CNTN2: variants seen among roughly 807,000 people sequenced by gnomAD.
CNTN2 encodes contactin-2.
A neutral mutation model predicts 117.5 loss-of-function variants in CNTN2; 53 were observed. The observed-to-expected ratio is 0.45, with a 90% CI of 0.36 to 0.57. CNTN2 has a LOEUF of 0.57. Among genes scored for constraint, CNTN2 ranks in the 20% least tolerant of loss-of-function variants. The pLI, the probability that CNTN2 is intolerant of heterozygous loss-of-function variation, is 0.00. For missense variants in CNTN2, 1,106 were observed against 1,404.3 expected, an observed-to-expected ratio of 0.79 and a Z score of 3.39; for synonymous variants, 530 against 561.7, an observed-to-expected ratio of 0.94 and a Z score of 0.80.
rs531205336 is a variant in CNTN2 at position 205,074,187 on chromosome 1, T to C, written c.*422T>C. 3.1e-4 allele frequency: 141 copies of C among 448,516 alleles called. No individual in the cohort carries two copies. The highest frequency in any genetic ancestry group is 3.9e-4 in the Non-Finnish European group (100 of 254,518). The allele number at this position is 448,516 out of a possible 1,614,324, so 27.8% of individuals were successfully genotyped here. A position where few individuals can be genotyped will look rare whatever the true frequency, so the allele number is the denominator to read the frequency against. ...ACCAGACATGAACAGGTTGAAGAAC[T>C]GGAGCGAAGTGCACACCTCACCATC... On this transcript the variant is annotated 3_prime_UTR_variant, in exon 23 of 23. Transcript: ENST00000331830.
chr1:205,072,652 A>G, intron 21 of CNTN2, 57 bp downstream of exon 21: 1 of 1,318,218 alleles, frequency 7.6e-7, no homozygotes, highest in Non-Finnish European at 1.1e-6. Flanking sequence ...CTGTGTTTCC[A>G]GTGAACATAA....
intron 1 of CNTN2, among the ~76,000 whole-genome samples, chr1:205,052,277 T>C (rs902760301): frequency 6.6e-6 from 1 of 151,770 alleles, no homozygotes; most frequent in African/African-American, 2.4e-5. Context: ...GGACTGGGAG[T>C]GAACGGGGAG....
chr1:205,069,806 T>G (rs1654491396), intron 17 of CNTN2, 21 bp from the exon 18 acceptor site: 1 of 1,607,082 alleles, frequency 6.2e-7, no homozygotes, highest in Non-Finnish European at 8.5e-7. Context: ...CCCTCGCCCA[T>G]GCCATGCTCT....
Position 205,065,955 on chromosome 1 carries a change from C to A in CNTN2, c.1816+46C>A. The stretch of plus-strand genomic sequence containing the variant: ...ACCCCTACCCCAACTCCCTTAAAAC[C>A]CAGCTGGGCTGTTCTGACCTGCTCG... On this transcript the variant is annotated intron_variant, in intron 14 of 22. Transcript: ENST00000331830. The surrounding 1 kb of genome is among the most constrained non-coding windows in gnomAD (Gnocchi z 4.1). 2 of 1,567,730 alleles carry A rather than the reference C, an allele frequency of 1.3e-6. No homozygotes were observed. The highest frequency in any genetic ancestry group is 2.2e-5 in the East Asian group (1 of 44,472).
Position 205,070,079 on chromosome 1 carries a change from C to T in CNTN2, c.2431+18C>T, listed in dbSNP as rs750672576. 17 of 1,610,110 alleles carry T rather than the reference C, an allele frequency of 1.1e-5. No individual in the cohort carries two copies. The highest frequency in any genetic ancestry group is 1.7e-5 in the Admixed American group (1 of 59,860). On this transcript the variant is annotated intron_variant, in intron 18 of 22. Coordinates refer to ENST00000331830, the MANE Select transcript of CNTN2 (RefSeq NM_005076.5). Reference sequence around the variant, plus strand: ...TGAGGAAGGTGGGCTGCCCCTGGGCCCCCTGCTCGTCCCTACCCCAGCCAC... The same window carrying T: ...TGAGGAAGGTGGGCTGCCCCTGGGCTCCCTGCTCGTCCCTACCCCAGCCAC...
chr1:205,058,451 C>A lies in CNTN2; in HGVS notation c.391+95C>A, dbSNP rs566378735. The A allele has an allele frequency of 2.7e-4, 407 of 1,532,972 alleles. 5 individuals are homozygous for A. The South Asian group carries it at 4.6e-3, about 17-fold the overall frequency. 95.0% of individuals were successfully genotyped at this position (1,532,972 alleles called of 1,614,324 possible). ...GGATAAGGGACACCCTCAAGCCGGG[C>A]CTTCCTGACCTCACATGACATGCCT... On this transcript the variant is annotated intron_variant, in intron 4 of 22. Coordinates refer to ENST00000331830, the MANE Select transcript of CNTN2 (RefSeq NM_005076.5). The surrounding 1 kb of genome is among the most constrained non-coding windows in gnomAD (Gnocchi z 4.3).
intron 9 of CNTN2, chr1:205,062,229 T>A: frequency 1.2e-6 from 1 of 821,428 alleles, no homozygotes; most frequent in East Asian, 2.8e-5. Flanking sequence ...GATGTGGTCC[T>A]GACTGGGTCA....
At position 205,064,382 on chromosome 1, in the gene CNTN2, G is replaced by A; in HGVS notation, c.1301G>A (p.Gly434Glu). 1 of 1,611,044 alleles carries A rather than the reference G, an allele frequency of 6.2e-7. No homozygotes were observed. The highest frequency in any genetic ancestry group is 8.5e-7 in the Non-Finnish European group (1 of 1,177,468). Reference protein sequence around the residue: ...VRRLIPAARGGEILIPCQPRA... With the variant: ...VRRLIPAARGEEILIPCQPRA... Reference sequence around the variant, plus strand: ...CGTCTGATCCCCGCGGCCCGCGGGGGAGAGATCCTTATCCCCTGCCAGCCC... The same window carrying A: ...CGTCTGATCCCCGCGGCCCGCGGGGAAGAGATCCTTATCCCCTGCCAGCCC... Residue 434 changes from glycine to glutamate, a missense_variant, in exon 11 of 23, where the codon GGA becomes GAA. Coordinates refer to ENST00000331830, the MANE Select transcript of CNTN2 (RefSeq NM_005076.5).
chr1:205,066,992 G>C (rs1654326106), intron 15 of CNTN2, 109 bp from the exon 16 acceptor site: 3 of 1,360,458 alleles, frequency 2.2e-6, no homozygotes, highest in Non-Finnish European at 3.0e-6. Flanking sequence ...TATATGGCAA[G>C]TACCGAAGTG....
At chr1:205,062,391 G>T in intron 9 of CNTN2, 49 bp from the exon 10 acceptor site, 1 of 1,568,256 alleles carries the variant, frequency 6.4e-7, no homozygotes. Flanking sequence ...CCTCCTCCCT[G>T]TGGCTCCTGT....
intron 1 of CNTN2, among the ~76,000 whole-genome samples, chr1:205,043,747 G>T (rs559653991): frequency 6.6e-6 from 1 of 152,128 alleles, no homozygotes. Context: ...TGGGCACCCG[G>T]TCCAGGACAG....
At chr1:205,062,148 C>A in intron 9 of CNTN2, 147 bp downstream of exon 9, 2 of 1,024,536 alleles carry the variant, frequency 2.0e-6, no homozygotes, top group Non-Finnish European at 2.8e-6. Context: ...CACCTAAGGA[C>A]TTCTTCCCAT....
At chr1:205,047,390 C>G (rs1387496907) in intron 1 of CNTN2, among the ~76,000 whole-genome samples, 2 of 152,130 alleles carry the variant, frequency 1.3e-5, no homozygotes, top group Non-Finnish European at 2.9e-5. Context: ...TGGTTCAGAC[C>G]TTCCTGGAGG....
At chr1:205,043,749 C>T (rs1223573193) in intron 1 of CNTN2, among the ~76,000 whole-genome samples, 2 of 152,148 alleles carry the variant, frequency 1.3e-5, no homozygotes, top group African/African-American at 2.4e-5. Flanking sequence ...GGCACCCGGT[C>T]CAGGACAGGA....
intron 15 of CNTN2, 130 bp from the exon 16 acceptor site, chr1:205,066,971 T>G: frequency 8.7e-7 from 1 of 1,155,554 alleles, no homozygotes; most frequent in South Asian, 1.6e-5. Context: ...AAAAAGGTAC[T>G]GAGTGCTTAG....
chr1:205,064,652 T>A lies in CNTN2; in HGVS notation c.1421T>A (p.Ile474Asn), dbSNP rs776770089. ...ACTGTAACTCCAGATGGCACCTTGATCATAAGAAACATCAGCCGGTCAGAT... is the reference window on the plus strand; with the variant it reads ...ACTGTAACTCCAGATGGCACCTTGAACATAAGAAACATCAGCCGGTCAGAT... ...RVTVTPDGTLIIRNISRSDEG... is the reference protein window; with the variant it reads ...RVTVTPDGTLNIRNISRSDEG... Residue 474 changes from isoleucine to asparagine, a missense_variant, in exon 12 of 23, where the codon ATC becomes AAC. Transcript: ENST00000331830. The A allele has an allele frequency of 6.2e-7, 1 of 1,614,108 alleles. No homozygotes were observed. Among genetic ancestry groups the A allele is most frequent in the South Asian group, 1.1e-5 (1 of 91,078 alleles).
intron 9 of CNTN2, 24 bp downstream of exon 9, chr1:205,062,025 G>A (rs1292827508): frequency 1.9e-5 from 30 of 1,609,726 alleles, no homozygotes; most frequent in Non-Finnish European, 2.4e-5. Flanking sequence ...GGCTTCCCCC[G>A]ACACATCACA....
At chr1:205,066,062 C>A in intron 14 of CNTN2, 153 bp downstream of exon 14, 1 of 885,456 alleles carries the variant, frequency 1.1e-6, no homozygotes, top group Non-Finnish European at 1.7e-6. Context: ...CCCTGTGGTT[C>A]TTCACAGGTC....
Position 205,065,646 on chromosome 1 carries a change from G to A in CNTN2, c.1696-143G>A, listed in dbSNP as rs1654242128. The A allele has an allele frequency of 7.9e-6, 8 of 1,012,132 alleles. No individual in the cohort carries two copies. The highest frequency in any genetic ancestry group is 1.5e-5 in the South Asian group (1 of 65,374). The allele number at this position is 1,012,132 out of a possible 1,614,324, so 62.7% of individuals were successfully genotyped here. A position where few individuals can be genotyped will look rare whatever the true frequency, so the allele number is the denominator to read the frequency against. On this transcript the variant is annotated intron_variant, in intron 13 of 22. Coordinates refer to ENST00000331830, the MANE Select transcript of CNTN2 (RefSeq NM_005076.5). The surrounding 1 kb of genome is among the most constrained non-coding windows in gnomAD (Gnocchi z 4.1). Reference sequence around the variant, plus strand: ...GATGAGTCGTGATTCCTCCCATTGAGCAGACAGGAAAACTGAGATCCAGTG... The same window carrying A: ...GATGAGTCGTGATTCCTCCCATTGAACAGACAGGAAAACTGAGATCCAGTG...
Sources: allele counts gnomAD v4.1 joint callset (sites outside exome capture counted in the v4.1 genomes callset), GRCh38; gene constraint gnomAD v4.1.1; non-coding constraint Gnocchi (gnomAD v3.1); transcripts MANE v1.5; gene names NCBI Gene and HGNC (gene_info 2026-07-23, HGNC 2026-07-21).